Variants in NCEH1 observed in about 807,000 individuals in gnomAD.
NCEH1 encodes the protein 2-acetyl MAGE hydrolase.
In NCEH1, 9 loss-of-function variants were observed where a neutral mutation model predicts 25.4. That is an observed-to-expected ratio of 0.35 (90% CI 0.21 to 0.62). The LOEUF (loss-of-function observed/expected upper bound fraction) is 0.62, where lower values mean the gene tolerates loss of function less well. NCEH1 is among the 20% of genes least tolerant of loss of function. The pLI is 0.72. For missense variants in NCEH1, 412 were observed against 501.1 expected (o/e 0.82, Z 1.70); for synonymous variants, 200 against 199.8 (o/e 1.00, Z -0.01).
At chr3:172,650,487 C>CAAA (rs34528918) in intron 1 of NCEH1, among the ~76,000 whole-genome samples, 12 of 145,998 alleles carry the variant, frequency 8.2e-5, no homozygotes, top group Non-Finnish European at 1.5e-4. Flanking sequence ...ACTAAAAATA[C>CAAA]AAAAAAAAAA....
At chr3:172,698,866 T>C (rs1349367008) in intron 1 of NCEH1, among the ~76,000 whole-genome samples, 1 of 152,250 alleles carries the variant, frequency 6.6e-6, no homozygotes, top group Non-Finnish European at 1.5e-5. Context: ...GCCTGCCCCT[T>C]GCGACAGACG....
intron 1 of NCEH1, among the ~76,000 whole-genome samples, chr3:172,653,123 G>A (rs1717490120): frequency 6.6e-6 from 1 of 152,138 alleles, no homozygotes; most frequent in African/African-American, 2.4e-5. Flanking sequence ...CTAGGGCAGT[G>A]CTAGAGGTCT....
intron 1 of NCEH1, among the ~76,000 whole-genome samples, chr3:172,674,468 T>C (rs1318921091): frequency 2.8e-5 from 4 of 140,794 alleles, no homozygotes; most frequent in African/African-American, 1.1e-4. Flanking sequence ...AAAAAAAAAG[T>C]GAGGGCTACT....
At chr3:172,660,776 T>C (rs888740310) in intron 1 of NCEH1, among the ~76,000 whole-genome samples, 4 of 152,250 alleles carry the variant, frequency 2.6e-5, no homozygotes, top group Non-Finnish European at 5.9e-5. Context: ...AATGTCTTAC[T>C]GTGAGAAGTG....
rs554586559 is a variant in NCEH1 at position 172,672,294 on chromosome 3, G to A, written c.139-24180C>T. Among the ~76,000 whole-genome samples the A allele has an allele frequency of 3.2e-4, 49 of 152,228 alleles. 1 individual carries two copies. The highest frequency in any genetic ancestry group is 6.8e-3 in the Middle Eastern group (2 of 292). On this transcript the variant is annotated intron_variant, in intron 1 of 4. Coordinates refer to ENST00000475381, the MANE Select transcript of NCEH1 (RefSeq NM_020792.6). ...TTGGACAGGCTAGTTTCAAACGCCCGACCTCAGGTGATCTGCCTGCCTTAG... is the reference window on the plus strand; with the variant it reads ...TTGGACAGGCTAGTTTCAAACGCCCAACCTCAGGTGATCTGCCTGCCTTAG...
At chr3:172,696,686 G>A (rs996711636) in intron 1 of NCEH1, among the ~76,000 whole-genome samples, 9 of 152,150 alleles carry the variant, frequency 5.9e-5, no homozygotes, top group East Asian at 1.9e-4. Flanking sequence ...GTCCATGCTC[G>A]TAAACACTAT....
chr3:172,694,742 G>C (rs990568414), intron 1 of NCEH1, among the ~76,000 whole-genome samples: 2 of 152,162 alleles, frequency 1.3e-5, no homozygotes, highest in Admixed American at 6.5e-5. Flanking sequence ...GCAGTACTCC[G>C]TCTGGGCTTC....
chr3:172,651,214 T>C (rs970243929), intron 1 of NCEH1, among the ~76,000 whole-genome samples: 3 of 152,144 alleles, frequency 2.0e-5, no homozygotes, highest in Admixed American at 6.6e-5. Context: ...GCTGGATTTC[T>C]AAAACCTTGA....
intron 1 of NCEH1, among the ~76,000 whole-genome samples, chr3:172,685,248 C>T (rs1388597637): frequency 6.6e-6 from 1 of 152,152 alleles, no homozygotes; most frequent in East Asian, 1.9e-4. Flanking sequence ...GAGGACACCA[C>T]TGCACTCCAG....
Position 172,633,983 on chromosome 3 carries a change from G to GT in NCEH1, c.718dup (p.Thr240AsnfsTer22). ...CATGACATAGCGGGGCAGGATTGGG[G>GT]TGTTCACATTTTGCTGATAAGATGG... On this transcript the variant is annotated frameshift_variant, in exon 5 of 5. Transcript: ENST00000475381. LOFTEE classifies it low-confidence loss of function (END_TRUNC). 6.2e-7 allele frequency: 1 copy of GT among 1,614,204 alleles called. No individual in the cohort carries two copies. Among genetic ancestry groups the GT allele is most frequent in the South Asian group, 1.1e-5 (1 of 91,082 alleles).
At chr3:172,689,570 C>G (rs369494587) in intron 1 of NCEH1, among the ~76,000 whole-genome samples, 1 of 146,904 alleles carries the variant, frequency 6.8e-6, no homozygotes, top group African/African-American at 2.5e-5. Flanking sequence ...ATTAGCCAGG[C>G]GTGATGGCAC....
At chr3:172,651,551 C>T (rs1442922636) in intron 1 of NCEH1, among the ~76,000 whole-genome samples, 1 of 151,436 alleles carries the variant, frequency 6.6e-6, no homozygotes, top group Non-Finnish European at 1.5e-5. Flanking sequence ...AAGCCTGTAT[C>T]TTTTGGAGAA....
Position 172,648,118 on chromosome 3 carries a change from C to T in NCEH1, c.139-4G>A. On this transcript the variant is annotated splice_polypyrimidine_tract_variant and splice_region_variant and intron_variant, in intron 1 of 4. Transcript: ENST00000475381. ...CCAGGTAGTGGATCAGGTTACTCTGCAGGGCGAGGGAGGAAATAAAGAGGG... is the reference window on the plus strand; with the variant it reads ...CCAGGTAGTGGATCAGGTTACTCTGTAGGGCGAGGGAGGAAATAAAGAGGG... The T allele has an allele frequency of 1.2e-6, 2 of 1,613,988 alleles. No homozygotes were observed. The highest frequency in any genetic ancestry group is 1.7e-6 in the Non-Finnish European group (2 of 1,179,906).
chr3:172,672,040 G>A (rs1711665706), intron 1 of NCEH1, among the ~76,000 whole-genome samples: 1 of 152,176 alleles, frequency 6.6e-6, no homozygotes, highest in African/African-American at 2.4e-5. Context: ...TTCACCCAGA[G>A]CAAATTCTAC....
At chr3:172,668,822 T>C (rs1718351409) in intron 1 of NCEH1, among the ~76,000 whole-genome samples, 1 of 152,098 alleles carries the variant, frequency 6.6e-6, no homozygotes, top group Non-Finnish European at 1.5e-5. Context: ...ACATATATAT[T>C]TTCCCCCCAG....
intron 1 of NCEH1, among the ~76,000 whole-genome samples, chr3:172,664,541 A>G (rs1009135873): frequency 6.6e-5 from 10 of 152,244 alleles, no homozygotes; most frequent in African/African-American, 2.4e-4. Flanking sequence ...CCTGGATAAT[A>G]TCCTGCAGAG....
At chr3:172,638,275 CCAAAAAAAAAAAA>C (rs1345844383) in intron 3 of NCEH1, among the ~76,000 whole-genome samples, 7 of 81,900 alleles carry the variant, frequency 8.5e-5, no homozygotes, top group Admixed American at 3.5e-4. Flanking sequence ...GAGACTCTGT[CCAAAAAAAAAAAA>C]AAAAAAAAAA....
At chr3:172,694,007 C>T (rs1306245673) in intron 1 of NCEH1, among the ~76,000 whole-genome samples, 1 of 152,234 alleles carries the variant, frequency 6.6e-6, no homozygotes, top group Non-Finnish European at 1.5e-5. Flanking sequence ...GATCCTCCCA[C>T]CTCAGCCTCC....
chr3:172,702,624 T>C (rs1315485478), intron 1 of NCEH1, among the ~76,000 whole-genome samples: 1 of 152,212 alleles, frequency 6.6e-6, no homozygotes, highest in Non-Finnish European at 1.5e-5. Context: ...AAAGAGAGCT[T>C]GTTAAAATTT....
Sources: gnomAD v4.1 joint callset for allele counts (sites outside exome capture counted in the v4.1 genomes callset) on GRCh38, gnomAD v4.1.1 for gene constraint, MANE v1.5 for transcripts, NCBI Gene and HGNC (gene_info 2026-07-23, HGNC 2026-07-21) for gene names.